RUSC1: variants seen among roughly 807,000 people sequenced by gnomAD.
RUSC1 encodes the protein AP-4 complex accessory subunit RUSC1.
RUSC1 carries 40 observed loss-of-function variants against 72.1 expected under a neutral mutation model. The observed-to-expected ratio is 0.55, with a 90% CI of 0.43 to 0.72. The LOEUF (loss-of-function observed/expected upper bound fraction) is 0.72, where lower values mean the gene tolerates loss of function less well. Among genes scored for constraint, RUSC1 ranks in the 30% least tolerant of loss-of-function variants. The probability of loss-of-function intolerance (pLI) is 0.00; values close to 1 mark genes in which losing one functional copy is unlikely to be tolerated. For missense variants in RUSC1, 1,092 were observed against 1,172.3 expected, an observed-to-expected ratio of 0.93 and a Z score of 1.00; for synonymous variants, 512 against 494.2, an observed-to-expected ratio of 1.04 and a Z score of -0.48.
intron 1 of RUSC1, chr1:155,321,340 C>T: frequency 7.3e-7 from 1 of 1,373,424 alleles, no homozygotes; most frequent in Non-Finnish European, 9.7e-7. Flanking sequence ...GGGTCCCTTC[C>T]TCTGGGAGTA....
intron 1 of RUSC1, chr1:155,321,210 G>A (rs371365083): frequency 1.6e-5 from 22 of 1,362,278 alleles, no homozygotes; most frequent in Non-Finnish European, 2.1e-5. Context: ...ACAAGCTGAC[G>A]GCTGCTCCAT....
At chr1:155,323,893 T>C in intron 2 of RUSC1, 1 of 985,270 alleles carries the variant, frequency 1.0e-6, no homozygotes, top group Non-Finnish European at 1.2e-6. Context: ...CCGTTTTCGC[T>C]TTTTTTCCGG....
At chr1:155,323,195 A>C (rs2148266674) in intron 2 of RUSC1, 65 bp downstream of exon 2, 2 of 1,365,334 alleles carry the variant, frequency 1.5e-6, no homozygotes, top group Non-Finnish European at 1.9e-6. Flanking sequence ...TAGGCTTCCA[A>C]CCCGGCCCCC....
In RUSC1 at chr1:155,326,628, G is replaced by A. The variant is rs778159465; in HGVS notation, c.1910G>A (p.Arg637His). The change falls in exon 8 of 10, where the codon CGC (arginine) becomes CAC (histidine). Residue 637 changes from arginine (R) to histidine (H), a missense_variant. Coordinates refer to ENST00000368352, the MANE Select transcript of RUSC1 (RefSeq NM_001105203.2). This position sits in a 1 kb window ranked among gnomAD's most constrained non-coding sequence, Gnocchi z 4.7. ...YLPTGFFSLA[R>H]GGCPSLSTEL... ...CCAACAGGATTTTTCTCCCTGGCCCGCGGTGGTTGTCCCTCCCTGTCCACA... is the reference window on the plus strand; with the variant it reads ...CCAACAGGATTTTTCTCCCTGGCCCACGGTGGTTGTCCCTCCCTGTCCACA... 11 of 1,613,814 alleles carry A rather than the reference G, an allele frequency of 6.8e-6. No homozygotes were observed. Among genetic ancestry groups the A allele is most frequent in the Middle Eastern group, 1.6e-4 (1 of 6,078 alleles).
At position 155,322,386 on chromosome 1, in the gene RUSC1, C is replaced by G; in HGVS notation, c.613C>G (p.Gln205Glu). 1 of 1,614,134 alleles carries G rather than the reference C, an allele frequency of 6.2e-7. No homozygotes were observed. Among genetic ancestry groups the G allele is most frequent in the Non-Finnish European group, 8.5e-7 (1 of 1,179,982 alleles). The change falls in exon 2 of 10, where the codon CAG becomes GAG. Residue 205 changes from glutamine to glutamate, a missense_variant. Coordinates refer to ENST00000368352, the MANE Select transcript of RUSC1 (RefSeq NM_001105203.2). ...GGAGGAAGAGGACGAGAGGGCGGAGCAGGATCTCCCTACCTCTGAGCTCTT... is the reference window on the plus strand; with the variant it reads ...GGAGGAAGAGGACGAGAGGGCGGAGGAGGATCTCCCTACCTCTGAGCTCTT... ...GLEEEDERAE[Q>E]DLPTSELLEA...
At position 155,326,846 on chromosome 1, in the gene RUSC1, TC is replaced by T; in HGVS notation, c.2130del (p.Lys711ArgfsTer23). 6.2e-7 allele frequency: 1 copy of T among 1,613,662 alleles called. No individual in the cohort carries two copies. The highest frequency in any genetic ancestry group is 8.5e-7 in the Non-Finnish European group (1 of 1,180,032). On this transcript the variant is annotated frameshift_variant, in exon 8 of 10. Coordinates refer to ENST00000368352, the MANE Select transcript of RUSC1 (RefSeq NM_001105203.2). LOFTEE classifies it high-confidence loss of function. This position sits in a 1 kb window ranked among gnomAD's most constrained non-coding sequence, Gnocchi z 4.7. The part of the protein sequence containing the change: ...GRLAQSLRGT[S>X]KEAASDPSDS... ...GCTGGCCCAGAGCCTTCGGGGGACT[TC>T]CAAGGAAGCTGCTTCAGACCCCTCT...
Position 155,327,137 on chromosome 1 carries a change from T to C in RUSC1, c.2414+5T>C, listed in dbSNP as rs756924780. On this transcript the variant is annotated splice_donor_5th_base_variant and intron_variant, in intron 8 of 9. Coordinates refer to ENST00000368352, the MANE Select transcript of RUSC1 (RefSeq NM_001105203.2). Reference sequence around the variant, plus strand: ...GAATGGAGCCCTAAAGTCCAGGTAATGGGGTACCTTGTCCTTTCTATGACC... The same window carrying C: ...GAATGGAGCCCTAAAGTCCAGGTAACGGGGTACCTTGTCCTTTCTATGACC... 8 of 1,592,888 alleles carry C rather than the reference T, an allele frequency of 5.0e-6. No homozygotes were observed. In the Middle Eastern group the frequency reaches 5.0e-4, roughly 100 times the overall value.
rs1650684328 is a variant in RUSC1, at chr1:155,322,488, A to C, written c.715A>C (p.Thr239Pro). The stretch of plus-strand genomic sequence containing the variant: ...GATTAACCCAATTTGGAAAATTGAC[A>C]CAGAGAAAACTAAAGCTGAATGGAA... ...WKINPIWKID[T>P]EKTKAEWKTT... The change falls in exon 2 of 10, where the codon ACA (threonine) becomes CCA (proline). Residue 239 changes from threonine (T) to proline (P), a missense_variant. Transcript: ENST00000368352. 1 of 1,613,428 alleles carries C rather than the reference A, an allele frequency of 6.2e-7. No homozygotes were observed. Among genetic ancestry groups the C allele is most frequent in the Non-Finnish European group, 8.5e-7 (1 of 1,179,568 alleles).
At position 155,326,487 on chromosome 1, in the gene RUSC1, C is replaced by A; in HGVS notation, c.1862-93C>A. The A allele has an allele frequency of 7.7e-7, 1 of 1,304,126 alleles. No homozygotes were observed. The highest frequency in any genetic ancestry group is 2.2e-5 in the Admixed American group (1 of 45,436). 80.8% of individuals were successfully genotyped at this position (1,304,126 alleles called of 1,614,324 possible). A position where few individuals can be genotyped will look rare whatever the true frequency, so the allele number is the denominator to read the frequency against. On this transcript the variant is annotated intron_variant, in intron 7 of 9. Transcript: ENST00000368352. This position sits in a 1 kb window ranked among gnomAD's most constrained non-coding sequence, Gnocchi z 4.7. ...GCCCCAGTGCCCAGCAGAGTGAGGC[C>A]TGGGAAGATGTGTGCTGACTGGTGG...
chr1:155,328,388 C>A, intron 9 of RUSC1, 113 bp downstream of exon 9: 1 of 1,124,004 alleles, frequency 8.9e-7, no homozygotes, highest in Non-Finnish European at 1.2e-6. Flanking sequence ...GCTTAGTGTG[C>A]ATTGCAGCTT....
chr1:155,327,257 T>A (rs770998702), intron 8 of RUSC1, 125 bp downstream of exon 8: 57 of 985,102 alleles, frequency 5.8e-5, no homozygotes, highest in Non-Finnish European at 7.8e-5. Flanking sequence ...TCTACAGCCA[T>A]GAGCTAAAAA....
chr1:155,321,947 C>T lies in RUSC1; in HGVS notation c.174C>T (p.Thr58=). Residue 58 remains threonine (T), a synonymous_variant, in exon 2 of 10, where the codon ACC becomes ACT. Coordinates refer to ENST00000368352, the MANE Select transcript of RUSC1 (RefSeq NM_001105203.2). ...GKESRGPCSG[T]LVDANSNSPA... is the part of the protein sequence containing the mutation. ...AGAGCAGGGGCCCCTGCAGTGGCAC[C>T]CTGGTGGACGCCAATTCCAACAGCC... The T allele has an allele frequency of 6.2e-7, 1 of 1,601,776 alleles. No homozygotes were observed. Among genetic ancestry groups the T allele is most frequent in the South Asian group, 1.1e-5 (1 of 89,442 alleles).
Position 155,325,763 on chromosome 1 carries a change from G to C in RUSC1, c.1814+91G>C. The C allele has an allele frequency of 6.3e-7, 1 of 1,583,052 alleles. No homozygotes were observed. Among genetic ancestry groups the C allele is most frequent in the Non-Finnish European group, 8.7e-7 (1 of 1,152,984 alleles). On this transcript the variant is annotated intron_variant, in intron 6 of 9. Coordinates refer to ENST00000368352, the MANE Select transcript of RUSC1 (RefSeq NM_001105203.2). This position sits in a 1 kb window ranked among gnomAD's most constrained non-coding sequence, Gnocchi z 6.5. ...ACAGTAGTAGTGCCTCACATCCCCA[G>C]AGAAGGCCCCCCCTCTTCCAATCTC... is the stretch of plus-strand genomic sequence containing the variant.
intron 1 of RUSC1, 194 bp from the exon 2 acceptor site, chr1:155,321,494 G>C (rs1481804739): frequency 4.7e-6 from 7 of 1,487,340 alleles, no homozygotes; most frequent in Non-Finnish European, 6.3e-6. Context: ...TCCATTCCCG[G>C]GGGGTTACAT....
chr1:155,330,399 T>G lies in RUSC1; in HGVS notation c.2541-4T>G. 1 of 1,612,370 alleles carries G rather than the reference T, an allele frequency of 6.2e-7. No individual in the cohort carries two copies. The highest frequency in any genetic ancestry group is 1.1e-5 in the South Asian group (1 of 90,996). On this transcript the variant is annotated splice_polypyrimidine_tract_variant and splice_region_variant and intron_variant, in intron 9 of 9. Transcript: ENST00000368352. ...TCCCAGTATCTTCCTCTGGCTCCCC[T>G]CAGGGCAGTGCGGGCTCTCTGTGAT... is the stretch of plus-strand genomic sequence containing the variant.
At chr1:155,324,458 G>T in intron 2 of RUSC1, 1 of 1,612,114 alleles carries the variant, frequency 6.2e-7, no homozygotes, top group Non-Finnish European at 8.5e-7. Context: ...AGGCAGGACT[G>T]GGCCCCGGGG....
In RUSC1 at chr1:155,321,924, A is replaced by G. The variant is rs1650585188; in HGVS notation, c.151A>G (p.Ser51Gly). 6.2e-7 allele frequency: 1 copy of G among 1,607,592 alleles called. No homozygotes were observed. Among genetic ancestry groups the G allele is most frequent in the Non-Finnish European group, 8.5e-7 (1 of 1,177,220 alleles). The change falls in exon 2 of 10, where the codon AGC becomes GGC. Residue 51 changes from serine (S) to glycine (G), a missense_variant. Transcript: ENST00000368352. ...PPPGDTGGKE[S>G]RGPCSGTLVD... ...TCCAGGAGACACTGGGGGCAAGGAG[A>G]GCAGGGGCCCCTGCAGTGGCACCCT... is the stretch of plus-strand genomic sequence containing the variant.
chr1:155,326,035 C>A lies in RUSC1; in HGVS notation c.1861+125C>A. 9.3e-7 allele frequency: 1 copy of A among 1,073,828 alleles called. No homozygotes were observed. The highest frequency in any genetic ancestry group is 1.4e-6 in the Non-Finnish European group (1 of 706,994). 66.5% of individuals were successfully genotyped at this position (1,073,828 alleles called of 1,614,324 possible). A position where few individuals can be genotyped will look rare whatever the true frequency, so the allele number is the denominator to read the frequency against. On this transcript the variant is annotated intron_variant, in intron 7 of 9. Transcript: ENST00000368352. This position sits in a 1 kb window ranked among gnomAD's most constrained non-coding sequence, Gnocchi z 4.7. ...AATCCAGATCTCCGATCTTATTACT[C>A]TTCTAATTAAAACTTTCTAAGGAGG...
intron 2 of RUSC1, 92 bp downstream of exon 2, chr1:155,323,222 T>C (rs988781832): frequency 3.7e-5 from 49 of 1,313,484 alleles, no homozygotes; most frequent in Non-Finnish European, 4.4e-5. Context: ...CCCTCCATTC[T>C]GTGTCACCCA....
Sources: allele counts gnomAD v4.1 joint callset, GRCh38; gene constraint gnomAD v4.1.1; non-coding constraint Gnocchi (gnomAD v3.1); transcripts MANE v1.5; gene names NCBI Gene and HGNC (gene_info 2026-07-23, HGNC 2026-07-21).